The following SRGAP1 variants were observed in gnomAD, a reference collection of about 807,000 sequenced individuals.
SRGAP1 encodes SLIT-ROBO Rho GTPase-activating protein 1.
A neutral mutation model predicts 121.9 loss-of-function variants in SRGAP1; 43 were observed. That is an observed-to-expected ratio of 0.35 (90% CI 0.28 to 0.46). The LOEUF is 0.46. Ranked by LOEUF, SRGAP1 falls within the 20% of genes least tolerant of loss-of-function variation. The probability of loss-of-function intolerance (pLI) is 1.00; values close to 1 mark genes in which losing one functional copy is unlikely to be tolerated. For synonymous variants in SRGAP1, 447 were observed against 485.4 expected (o/e 0.92, Z 1.04); for missense variants, 1,102 against 1,350.9 (o/e 0.82, Z 2.89).
intron 1 of SRGAP1, among the ~76,000 whole-genome samples, 178 bp downstream of exon 1, chr12:63,845,061 C>G (rs1204856143): frequency 2.6e-5 from 4 of 152,118 alleles, no homozygotes; most frequent in Non-Finnish European, 5.9e-5. Flanking sequence ...CAATCCCAGT[C>G]CCGTCAAACC....
chr12:64,035,820 G>A (rs934378975), intron 4 of SRGAP1, among the ~76,000 whole-genome samples: 2 of 152,190 alleles, frequency 1.3e-5, no homozygotes, highest in Admixed American at 6.5e-5. Context: ...GCCTTTGGGA[G>A]ACAGTGGCCT....
chr12:63,941,661 C>T (rs1483169004), intron 1 of SRGAP1, among the ~76,000 whole-genome samples: 4 of 149,582 alleles, frequency 2.7e-5, no homozygotes, highest in Non-Finnish European at 5.9e-5. Context: ...GCTCCTCCTC[C>T]TAACATGCCA....
intron 17 of SRGAP1, among the ~76,000 whole-genome samples, chr12:64,113,876 T>C (rs2036473565): frequency 6.6e-6 from 1 of 152,214 alleles, no homozygotes. Context: ...GAAACTGCCC[T>C]GTGCAGCTAG....
intron 1 of SRGAP1, among the ~76,000 whole-genome samples, chr12:63,929,806 A>G (rs2031403859): frequency 6.6e-6 from 1 of 152,172 alleles, no homozygotes. Context: ...CTATAATTCA[A>G]AACAAAGTTC....
At chr12:64,005,505 G>A (rs1418421180) in intron 3 of SRGAP1, among the ~76,000 whole-genome samples, 2 of 152,034 alleles carry the variant, frequency 1.3e-5, no homozygotes, top group Non-Finnish European at 2.9e-5. Context: ...AAATAGCTGG[G>A]CATGGTGGTG....
chr12:63,991,434 T>C (rs2033554073), intron 3 of SRGAP1, among the ~76,000 whole-genome samples: 1 of 152,198 alleles, frequency 6.6e-6, no homozygotes, highest in Non-Finnish European at 1.5e-5. Flanking sequence ...AGTCACCTTA[T>C]GCTCCATTAA....
intron 4 of SRGAP1, among the ~76,000 whole-genome samples, chr12:64,035,860 A>G (rs1271298431): frequency 6.6e-6 from 1 of 152,154 alleles, no homozygotes; most frequent in Non-Finnish European, 1.5e-5. Context: ...CTGGATATGA[A>G]GGCCCAAAGC....
intron 18 of SRGAP1, among the ~76,000 whole-genome samples, chr12:64,116,283 T>TA (rs1265782568): frequency 6.9e-6 from 1 of 144,006 alleles, no homozygotes; most frequent in Admixed American, 6.9e-5. Flanking sequence ...AAAAGTAGAT[T>TA]AAAAAAAATT....
intron 1 of SRGAP1, among the ~76,000 whole-genome samples, chr12:63,876,974 A>C (rs1044797211): frequency 6.6e-6 from 1 of 152,214 alleles, no homozygotes; most frequent in Non-Finnish European, 1.5e-5. Flanking sequence ...CTGTAATCCC[A>C]GCACTTTTGG....
intron 9 of SRGAP1, 98 bp from the exon 10 acceptor site, chr12:64,080,188 A>G: frequency 2.2e-6 from 2 of 928,678 alleles, no homozygotes; most frequent in Non-Finnish European, 3.2e-6. Flanking sequence ...GGTTGCAGTG[A>G]GCCAAGATCG....
intron 1 of SRGAP1, among the ~76,000 whole-genome samples, chr12:63,978,418 T>C (rs1008404704): frequency 5.3e-5 from 8 of 152,162 alleles, no homozygotes; most frequent in Non-Finnish European, 1.0e-4. Flanking sequence ...TCTGTCTCTA[T>C]AGATTAGTCT....
chr12:63,945,801 G>A (rs1031036394), intron 1 of SRGAP1, among the ~76,000 whole-genome samples: 1 of 152,120 alleles, frequency 6.6e-6, no homozygotes, highest in Non-Finnish European at 1.5e-5. Context: ...TACTGGGGAG[G>A]GACTCAGGTA....
chr12:63,961,010 T>C (rs919873522), intron 1 of SRGAP1, among the ~76,000 whole-genome samples: 2 of 152,224 alleles, frequency 1.3e-5, no homozygotes, highest in African/African-American at 2.4e-5. Flanking sequence ...ACGTTTGTGG[T>C]CATTTGTAAG....
chr12:64,121,779 G>A (rs2036609444), intron 18 of SRGAP1, among the ~76,000 whole-genome samples: 2 of 152,162 alleles, frequency 1.3e-5, no homozygotes, highest in South Asian at 4.1e-4. Context: ...TTGACTATAA[G>A]AGAGCTTTGC....
chr12:63,870,533 ATTTT>A (rs1216674448), intron 1 of SRGAP1, among the ~76,000 whole-genome samples: 5,356 of 100,740 alleles, frequency 0.053, 252 homozygotes, highest in East Asian at 0.18. Flanking sequence ...CCCTATCTTG[ATTTT>A]TTTTTTTTTT....
At chr12:63,950,021 C>T (rs1326716279) in intron 1 of SRGAP1, among the ~76,000 whole-genome samples, 2 of 152,084 alleles carry the variant, frequency 1.3e-5, no homozygotes, top group Admixed American at 6.6e-5. Flanking sequence ...CACCAAAAGG[C>T]GGTGATTGTG....
At chr12:63,931,830 C>A (rs576571487) in intron 1 of SRGAP1, among the ~76,000 whole-genome samples, 28 of 152,202 alleles carry the variant, frequency 1.8e-4, no homozygotes, top group African/African-American at 6.7e-4. Flanking sequence ...GGATTATTTT[C>A]TAGAAGGGAG....
intron 1 of SRGAP1, among the ~76,000 whole-genome samples, chr12:63,883,848 C>T (rs1446505806): frequency 9.3e-5 from 14 of 151,092 alleles, no homozygotes; most frequent in African/African-American, 3.1e-4. Flanking sequence ...TTAGTAGAGA[C>T]GGGGTTTCAC....
At chr12:63,849,344 A>G (rs1256701715) in intron 1 of SRGAP1, among the ~76,000 whole-genome samples, 1 of 152,236 alleles carries the variant, frequency 6.6e-6, no homozygotes, top group Admixed American at 6.5e-5. Flanking sequence ...GGAGCTACAC[A>G]TATGGGAACA....
Sources: gnomAD v4.1 joint callset for allele counts (sites outside exome capture counted in the v4.1 genomes callset) on GRCh38, gnomAD v4.1.1 for gene constraint, MANE v1.5 for transcripts, NCBI Gene and HGNC (gene_info 2026-07-23, HGNC 2026-07-21) for gene names.